Variants in SLC2A6 observed in about 807,000 individuals in gnomAD.
The protein encoded by SLC2A6 is solute carrier family 2 member 6.
In SLC2A6, 39 loss-of-function variants were observed where a neutral mutation model predicts 47.8. That is an observed-to-expected ratio of 0.82 (90% CI 0.63 to 1.07). SLC2A6 has a LOEUF of 1.07. Among genes scored for constraint, SLC2A6 ranks in the 50% least tolerant of loss-of-function variants. The pLI, the probability that SLC2A6 is intolerant of heterozygous loss-of-function variation, is 0.00. For missense variants in SLC2A6, 650 were observed against 707.6 expected (o/e 0.92, Z 0.92); for synonymous variants, 346 against 324.1 (o/e 1.07, Z -0.73).
intron 8 of SLC2A6, 48 bp downstream of exon 8, chr9:133,473,367 C>T: frequency 6.5e-7 from 1 of 1,545,746 alleles, no homozygotes; most frequent in Non-Finnish European, 8.7e-7. Context: ...ATCACCCATC[C>T]CTTAACACCC....
rs782665778 is a variant in SLC2A6, at chr9:133,473,987, G to A, written c.1029C>T (p.Phe343=). 1.0e-5 allele frequency: 16 copies of A among 1,605,308 alleles called. No homozygotes were observed. Among genetic ancestry groups the A allele is most frequent in the Middle Eastern group, 3.5e-4 (2 of 5,772 alleles). ...TGCCTGCAGGGTGCTTACCTGAGAC[G>A]AAGAGCAGCACCTTGCGGCCTGCGA... ...MDLAGRKVLL[F]VSAAIMFAAN... is the part of the protein sequence containing the mutation. The change falls in exon 7 of 10, where the codon TTC becomes TTT. Residue 343 remains phenylalanine (F), a synonymous_variant. Coordinates refer to ENST00000371899, the MANE Select transcript of SLC2A6 (RefSeq NM_017585.4).
chr9:133,473,812 G>A (rs587749381), intron 7 of SLC2A6, 168 bp downstream of exon 7: 22 of 736,218 alleles, frequency 3.0e-5, no homozygotes, highest in Middle Eastern at 4.0e-4. Context: ...GAGCCCCAGC[G>A]GACCTTTCTG....
chr9:133,478,989 G>A lies in SLC2A6; in HGVS notation c.71C>T (p.Pro24Leu), dbSNP rs1400623440. Residue 24 changes from proline (P) to leucine (L), a missense_variant, in exon 1 of 10, where the codon CCA (proline) becomes CTA (leucine). Pro to Leu is a moderately conservative substitution (Grantham distance 98). Transcript: ENST00000371899. ...TCACCCGACCCGCGCCCTGTCCCCT[G>A]GCGACGGGGGCGGCTTCTCGGGGAA... is the stretch of plus-strand genomic sequence containing the variant. ...DTFPEKPPPSPGDRARVGTLQ... is the reference protein window; with the variant it reads ...DTFPEKPPPSLGDRARVGTLQ... 2 of 1,594,050 alleles carry A rather than the reference G, an allele frequency of 1.3e-6. No individual in the cohort carries two copies. Among genetic ancestry groups the A allele is most frequent in the Non-Finnish European group, 1.7e-6 (2 of 1,173,838 alleles).
chr9:133,478,387 G>C lies in SLC2A6; in HGVS notation c.122C>G (p.Ala41Gly), dbSNP rs1173180430. 6.2e-7 allele frequency: 1 copy of C among 1,614,142 alleles called. No individual in the cohort carries two copies. Residue 41 changes from alanine to glycine, a missense_variant, in exon 2 of 10, where the codon GCC becomes GGC. Physicochemically the swap from Ala to Gly is moderately conservative, Grantham distance 60 (BLOSUM62 0). Transcript: ENST00000371899. ...ATTGCCGAGCACTGCGGCGAAGGTGGCCAGGAACACCCTTTTGTTCTGCAG... is the reference window on the plus strand; with the variant it reads ...ATTGCCGAGCACTGCGGCGAAGGTGCCCAGGAACACCCTTTTGTTCTGCAG... ...GTLQNKRVFL[A>G]TFAAVLGNFS...
Position 133,478,828 on chromosome 9 carries a change from G to A in SLC2A6, c.92+140C>T, listed in dbSNP as rs587731039. The A allele has an allele frequency of 1.9e-5, 13 of 702,586 alleles. No homozygotes were observed. The South Asian group carries it at 2.0e-4, about 11-fold the overall frequency. The allele number at this position is 702,586 out of a possible 1,614,324, so 43.5% of individuals were successfully genotyped here. A position where few individuals can be genotyped will look rare whatever the true frequency, so the allele number is the denominator to read the frequency against. On this transcript the variant is annotated intron_variant, in intron 1 of 9. Coordinates refer to ENST00000371899, the MANE Select transcript of SLC2A6 (RefSeq NM_017585.4). Reference sequence around the variant, plus strand: ...CCAGTTCCTTAAATAGGAGTAGCGTGTCTGGGACAGGAGGGAGCCAGATGG... The same window carrying A: ...CCAGTTCCTTAAATAGGAGTAGCGTATCTGGGACAGGAGGGAGCCAGATGG...
chr9:133,476,353 C>T lies in SLC2A6; in HGVS notation c.463-17G>A. ...CACGTACACCTGCAAGACACAGCCG[C>T]CGCACCAGGTTTTGCTGAAAATACT... On this transcript the variant is annotated splice_polypyrimidine_tract_variant and intron_variant, in intron 3 of 9. Transcript: ENST00000371899. 1 of 1,608,820 alleles carries T rather than the reference C, an allele frequency of 6.2e-7. No individual in the cohort carries two copies.
At chr9:133,477,563 GTTC>G (rs1564470240) in intron 2 of SLC2A6, among the ~76,000 whole-genome samples, 1 of 152,198 alleles carries the variant, frequency 6.6e-6, no homozygotes, top group African/African-American at 2.4e-5. Context: ...AGATTTGGAG[GTTC>G]TTAAGTTCCC....
At position 133,473,518 on chromosome 9, in the gene SLC2A6, C is replaced by T. The variant is rs782269166; in HGVS notation, c.1119G>A (p.Ala373=). The T allele has an allele frequency of 5.6e-6, 9 of 1,596,950 alleles. No individual in the cohort carries two copies. The highest frequency in any genetic ancestry group is 1.1e-5 in the South Asian group (1 of 88,036). ...GPRPLSPNST[A]GLESESWGDL... The stretch of plus-strand genomic sequence containing the variant: ...CCCCCCAGGACTCGCTTTCCAGGCC[C>T]GCAGTGCTGTTGGGGCTCAGAGGCC... Residue 373 remains alanine (A), a synonymous_variant, in exon 8 of 10, where the codon GCG becomes GCA. Transcript: ENST00000371899.
At chr9:133,475,206 C>T in intron 5 of SLC2A6, 93 bp from the exon 6 acceptor site, 6 of 1,421,282 alleles carry the variant, frequency 4.2e-6, no homozygotes, top group Non-Finnish European at 5.5e-6. Context: ...TGGGAGACCT[C>T]CTTTTTCCCT....
Position 133,473,439 on chromosome 9 carries a change from G to C in SLC2A6, c.1198C>G (p.Leu400Val), listed in dbSNP as rs147915225. 5.0e-6 allele frequency: 8 copies of C among 1,604,524 alleles called. No homozygotes were observed. The highest frequency in any genetic ancestry group is 6.8e-6 in the Non-Finnish European group (8 of 1,176,690). ...PAGYLTLVPL[L>V]ATMLFIMGYA... ...CCCATGATGAAGAGCATGGTGGCCAGCAGGGGCACCAGGGTGAGGTAGCCA... is the reference window on the plus strand; with the variant it reads ...CCCATGATGAAGAGCATGGTGGCCACCAGGGGCACCAGGGTGAGGTAGCCA... Residue 400 changes from leucine (L) to valine (V), a missense_variant, in exon 8 of 10, where the codon CTG becomes GTG. Transcript: ENST00000371899.
In SLC2A6 at chr9:133,476,262, G is replaced by A. The variant is rs782152058; in HGVS notation, c.537C>T (p.Phe179=). Residue 179 remains phenylalanine, a synonymous_variant, in exon 4 of 10, where the codon TTC becomes TTT. Transcript: ENST00000371899. ...CAAGGGCGTAGAGGGACAGGGATCC[G>A]AACACTGCCATGAGCTGGGGTGTGG... The part of the protein sequence containing the change: ...LGATPQLMAV[F]GSLSLYALGL... 1.6e-5 allele frequency: 26 copies of A among 1,612,822 alleles called. 1 individual carries two copies. The highest frequency in any genetic ancestry group is 1.1e-4 in the South Asian group (10 of 91,080).
Position 133,473,987 on chromosome 9 carries a change from G to C in SLC2A6, c.1029C>G (p.Phe343Leu), listed in dbSNP as rs782665778. ...TGCCTGCAGGGTGCTTACCTGAGACGAAGAGCAGCACCTTGCGGCCTGCGA... is the reference window on the plus strand; with the variant it reads ...TGCCTGCAGGGTGCTTACCTGAGACCAAGAGCAGCACCTTGCGGCCTGCGA... ...MDLAGRKVLLFVSAAIMFAAN... is the reference protein window; with the variant it reads ...MDLAGRKVLLLVSAAIMFAAN... Residue 343 changes from phenylalanine to leucine, a missense_variant, in exon 7 of 10, where the codon TTC (phenylalanine) becomes TTG (leucine). Physicochemically the swap from Phe to Leu is conservative, Grantham distance 22. Coordinates refer to ENST00000371899, the MANE Select transcript of SLC2A6 (RefSeq NM_017585.4). 4 of 1,605,426 alleles carry C rather than the reference G, an allele frequency of 2.5e-6. No homozygotes were observed. Among genetic ancestry groups the C allele is most frequent in the Admixed American group, 1.7e-5 (1 of 59,692 alleles).
At chr9:133,475,664 C>T (rs957457346) in intron 4 of SLC2A6, 53 bp from the exon 5 acceptor site, 179 of 1,449,884 alleles carry the variant, frequency 1.2e-4, no homozygotes, top group Middle Eastern at 2.5e-4. Flanking sequence ...ACAGCCCCTT[C>T]CCTCTGGAGC....
Position 133,471,343 on chromosome 9 carries a change from C to T in SLC2A6, c.*678G>A, listed in dbSNP as rs1554801387. Reference sequence around the variant, plus strand: ...CCGGGTTCAAGCAATGCTGCCTCAGCCTCCCAAGTAGCTGGAACTACGGGT... The same window carrying T: ...CCGGGTTCAAGCAATGCTGCCTCAGTCTCCCAAGTAGCTGGAACTACGGGT... On this transcript the variant is annotated 3_prime_UTR_variant, in exon 10 of 10. Transcript: ENST00000371899. The T allele has an allele frequency of 6.6e-6, 1 of 152,030 alleles. No individual in the cohort carries two copies. The highest frequency in any genetic ancestry group is 1.5e-5 in the Non-Finnish European group (1 of 68,092). The allele number at this position is 152,030 out of a possible 1,614,324, so 9.4% of individuals were successfully genotyped here.
chr9:133,478,826 G>T, intron 1 of SLC2A6, 142 bp downstream of exon 1: 1 of 687,778 alleles, frequency 1.5e-6, no homozygotes, highest in Non-Finnish European at 2.4e-6. Context: ...TAGGAGTAGC[G>T]TGTCTGGGAC....
In SLC2A6 at chr9:133,479,011, G is replaced by A; in HGVS notation, c.49C>T (p.Pro17Ser). 2 of 1,599,856 alleles carry A rather than the reference G, an allele frequency of 1.3e-6. No homozygotes were observed. The highest frequency in any genetic ancestry group is 1.1e-5 in the South Asian group (1 of 90,000). Residue 17 changes from proline to serine, a missense_variant, in exon 1 of 10, where the codon CCC (proline) becomes TCC (serine). Coordinates refer to ENST00000371899, the MANE Select transcript of SLC2A6 (RefSeq NM_017585.4). ...CCTGGCGACGGGGGCGGCTTCTCGG[G>A]GAAGGTGTCGTAGTCCGGGCCCTCG... is the stretch of plus-strand genomic sequence containing the variant. ...GAEGPDYDTF[P>S]EKPPPSPGDR... is the part of the protein sequence containing the mutation.
chr9:133,475,243 G>A lies in SLC2A6; in HGVS notation c.775-130C>T. ...CTCCAGGAAAGAACCAGCTTACCAG[G>A]CCACCCAGGCTCTGGGAACAGCCCC... On this transcript the variant is annotated intron_variant, in intron 5 of 9. Transcript: ENST00000371899. 1.1e-5 allele frequency: 15 copies of A among 1,380,222 alleles called. No homozygotes were observed. In the South Asian group the frequency reaches 2.1e-4, roughly 19 times the overall value. 85.5% of individuals were successfully genotyped at this position (1,380,222 alleles called of 1,614,324 possible).
chr9:133,477,531 G>A (rs1844004458), intron 2 of SLC2A6, among the ~76,000 whole-genome samples: 1 of 152,224 alleles, frequency 6.6e-6, no homozygotes, highest in Non-Finnish European at 1.5e-5. Context: ...AGAATTCTGT[G>A]ACTTGAAGGT....
At chr9:133,473,882 C>T in intron 7 of SLC2A6, 98 bp downstream of exon 7, 1 of 1,014,336 alleles carries the variant, frequency 9.9e-7, no homozygotes. Context: ...CTGCAGTTCC[C>T]AGCCACACAG....
Sources: gnomAD v4.1 joint callset for allele counts (sites outside exome capture counted in the v4.1 genomes callset) on GRCh38, gnomAD v4.1.1 for gene constraint, MANE v1.5 for transcripts, NCBI Gene and HGNC (gene_info 2026-07-23, HGNC 2026-07-21) for gene names.